HLA-E: variants seen among roughly 807,000 people sequenced by gnomAD.
HLA-E encodes major histocompatibility complex, class I, E.
Under a neutral mutation model 43.4 loss-of-function variants are expected in HLA-E, and 25 were observed. The ratio of observed to expected loss-of-function variants is 0.58; its 90% CI spans 0.42 to 0.80. The LOEUF (loss-of-function observed/expected upper bound fraction) is 0.80. Among genes scored for constraint, HLA-E ranks in the 30% least tolerant of loss-of-function variants. The probability of loss-of-function intolerance (pLI) is 0.00; values close to 1 mark genes in which losing one functional copy is unlikely to be tolerated. For synonymous variants in HLA-E, 161 were observed against 197.6 expected (o/e 0.81, Z 1.55); for missense variants, 343 against 470.0 (o/e 0.73, Z 2.50).
rs74295295 is a variant in HLA-E, at chr6:30,492,999, A to C, written c.*253A>C. ...CCTTCCCTGTTCTCTTTTCTATTAA[A>C]AATAAGAACCTGGGCAGAGTGCGGC... On this transcript the variant is annotated 3_prime_UTR_variant, in exon 8 of 8. Transcript: ENST00000376630. This position sits in a 1 kb window ranked among gnomAD's most constrained non-coding sequence, Gnocchi z 4.5. 5,108 of 210,796 alleles carry C rather than the reference A, an allele frequency of 0.024. 176 individuals carry two copies. Among genetic ancestry groups the C allele is most frequent in the African/African-American group, 0.076 (3,241 of 42,692 alleles). 13.1% of individuals were successfully genotyped at this position (210,796 alleles called of 1,614,324 possible).
Position 30,491,656 on chromosome 6 carries a change from G to T in HLA-E, c.1003+3G>T, listed in dbSNP as rs1421593447. On this transcript the variant is annotated splice_donor_region_variant and intron_variant, in intron 5 of 7. Transcript: ENST00000376630. This position sits in a 1 kb window ranked among gnomAD's most constrained non-coding sequence, Gnocchi z 5.4. ...GATATGGAGGAAGAAGAGCTCAGGT[G>T]GGGAAGGGAGAAGGGTGGGGTCTGA... 4 of 1,609,188 alleles carry T rather than the reference G, an allele frequency of 2.5e-6. No individual in the cohort carries two copies. Among genetic ancestry groups the T allele is most frequent in the Non-Finnish European group, 3.4e-6 (4 of 1,177,016 alleles).
rs200270359 is a variant in HLA-E, at chr6:30,491,519, G to T, written c.887-18G>T. The T allele has an allele frequency of 1.2e-6, 2 of 1,612,156 alleles. No individual in the cohort carries two copies. Among genetic ancestry groups the T allele is most frequent in the Non-Finnish European group, 1.7e-6 (2 of 1,179,104 alleles). ...AGGCCTGGGGGTCAGGGCCCCTTAC[G>T]TTCCCCTCTTTTCCCAGAGCCGGCT... is the stretch of plus-strand genomic sequence containing the variant. On this transcript the variant is annotated intron_variant, in intron 4 of 7. Coordinates refer to ENST00000376630, the MANE Select transcript of HLA-E (RefSeq NM_005516.6). This position sits in a 1 kb window ranked among gnomAD's most constrained non-coding sequence, Gnocchi z 5.4.
chr6:30,491,461 C>A lies in HLA-E; in HGVS notation c.886+49C>A. 1.2e-6 allele frequency: 2 copies of A among 1,611,406 alleles called. No individual in the cohort carries two copies. Among genetic ancestry groups the A allele is most frequent in the Non-Finnish European group, 1.7e-6 (2 of 1,178,236 alleles). Reference sequence around the variant, plus strand: ...TGTCTCTTCTCAGGGAAAGCGGGAGCCCTTCTGGAGCCCTTCCGCAGGGTC... The same window carrying A: ...TGTCTCTTCTCAGGGAAAGCGGGAGACCTTCTGGAGCCCTTCCGCAGGGTC... On this transcript the variant is annotated intron_variant, in intron 4 of 7. Coordinates refer to ENST00000376630, the MANE Select transcript of HLA-E (RefSeq NM_005516.6). This position sits in a 1 kb window ranked among gnomAD's most constrained non-coding sequence, Gnocchi z 5.4.
rs746887093 is a variant in HLA-E, at chr6:30,491,955, C to A, written c.1003+302C>A. Among the ~76,000 whole-genome samples the A allele has an allele frequency of 1.3e-5, 2 of 152,102 alleles. No individual in the cohort carries two copies. The highest frequency in any genetic ancestry group is 6.5e-5 in the Admixed American group (1 of 15,278). ...GGGACTACACATGCGTGCCACCACA[C>A]CTGGCTAATTTTTTTTTTTGTATTT... On this transcript the variant is annotated intron_variant, in intron 5 of 7. Transcript: ENST00000376630. This position sits in a 1 kb window ranked among gnomAD's most constrained non-coding sequence, Gnocchi z 5.4.
chr6:30,491,706 C>T lies in HLA-E; in HGVS notation c.1003+53C>T. ...AGTTTTCTTGTCCCACTGGGTGTTT[C>T]AAGCCCTAGGTAAAAGTGTGTCCTG... On this transcript the variant is annotated intron_variant, in intron 5 of 7. Coordinates refer to ENST00000376630, the MANE Select transcript of HLA-E (RefSeq NM_005516.6). The surrounding 1 kb of genome is among the most constrained non-coding windows in gnomAD (Gnocchi z 5.4). 1 of 1,440,432 alleles carries T rather than the reference C, an allele frequency of 6.9e-7. No homozygotes were observed. The highest frequency in any genetic ancestry group is 9.7e-7 in the Non-Finnish European group (1 of 1,036,014). 89.2% of individuals were successfully genotyped at this position (1,440,432 alleles called of 1,614,324 possible). A position where few individuals can be genotyped will look rare whatever the true frequency, so the allele number is the denominator to read the frequency against.
At position 30,489,699 on chromosome 6, in the gene HLA-E, C is replaced by G. The variant is rs1484273232; in HGVS notation, c.65-27C>G. On this transcript the variant is annotated intron_variant, in intron 1 of 7. Coordinates refer to ENST00000376630, the MANE Select transcript of HLA-E (RefSeq NM_005516.6). The surrounding 1 kb of genome is among the most constrained non-coding windows in gnomAD (Gnocchi z 5.6). ...GAGCCGCGCCGGGAGGAGGGTCGGG[C>G]CGATCTCAGCCCCTCCTCGCCCCCA... The G allele has an allele frequency of 1.9e-6, 3 of 1,611,596 alleles. No homozygotes were observed. Among genetic ancestry groups the G allele is most frequent in the Non-Finnish European group, 2.5e-6 (3 of 1,179,540 alleles).
chr6:30,491,466 C>A lies in HLA-E; in HGVS notation c.886+54C>A, dbSNP rs1475190030. 6.2e-7 allele frequency: 1 copy of A among 1,611,448 alleles called. No individual in the cohort carries two copies. The highest frequency in any genetic ancestry group is 8.5e-7 in the Non-Finnish European group (1 of 1,178,324). On this transcript the variant is annotated intron_variant, in intron 4 of 7. Coordinates refer to ENST00000376630, the MANE Select transcript of HLA-E (RefSeq NM_005516.6). This position sits in a 1 kb window ranked among gnomAD's most constrained non-coding sequence, Gnocchi z 5.4. Reference sequence around the variant, plus strand: ...CTTCTCAGGGAAAGCGGGAGCCCTTCTGGAGCCCTTCCGCAGGGTCAGGGC... The same window carrying A: ...CTTCTCAGGGAAAGCGGGAGCCCTTATGGAGCCCTTCCGCAGGGTCAGGGC...
chr6:30,491,316 A>C lies in HLA-E; in HGVS notation c.790A>C (p.Lys264Gln). 6.2e-7 allele frequency: 1 copy of C among 1,614,204 alleles called. No individual in the cohort carries two copies. The highest frequency in any genetic ancestry group is 8.5e-7 in the Non-Finnish European group (1 of 1,180,040). Residue 264 changes from lysine (K) to glutamine (Q), a missense_variant, in exon 4 of 8, where the codon AAG becomes CAG. This residue lies in a region of HLA-E where 190 missense variants were observed against 283.6 expected (regional missense o/e 0.67). Coordinates refer to ENST00000376630, the MANE Select transcript of HLA-E (RefSeq NM_005516.6). This position sits in a 1 kb window ranked among gnomAD's most constrained non-coding sequence, Gnocchi z 5.4. ...TRPAGDGTFQ[K>Q]WAAVVVPSGE... is the part of the protein sequence containing the mutation. ...GCCTGCAGGGGATGGAACCTTCCAG[A>C]AGTGGGCAGCTGTGGTGGTGCCTTC...
chr6:30,489,570 C>T lies in HLA-E; in HGVS notation c.39C>T (p.Ala13=). The change falls in exon 1 of 8, where the codon GCC becomes GCT. Residue 13 remains alanine (A), a synonymous_variant. Coordinates refer to ENST00000376630, the MANE Select transcript of HLA-E (RefSeq NM_005516.6). This position sits in a 1 kb window ranked among gnomAD's most constrained non-coding sequence, Gnocchi z 5.6. Reference sequence around the variant, plus strand: ...CCCTCCTTTTACTCCTCTCGGAGGCCCTGGCCCTTACCCAGACCTGGGCGG... The same window carrying T: ...CCCTCCTTTTACTCCTCTCGGAGGCTCTGGCCCTTACCCAGACCTGGGCGG... ...DGTLLLLLSE[A]LALTQTWAGS... 6.5e-7 allele frequency: 1 copy of T among 1,549,724 alleles called. No individual in the cohort carries two copies. The highest frequency in any genetic ancestry group is 1.2e-5 in the South Asian group (1 of 81,450).
rs1008543376 is a variant in HLA-E, at chr6:30,493,949, T to C, written c.*1203T>C. On this transcript the variant is annotated 3_prime_UTR_variant, in exon 8 of 8. Transcript: ENST00000376630. This position sits in a 1 kb window ranked among gnomAD's most constrained non-coding sequence, Gnocchi z 5.5. ...GCTTTAGGCACCAGCCTGCAACCCA[T>C]TCGAGCAGCCACGTAGGCTGCACCC... is the stretch of plus-strand genomic sequence containing the variant. 1 of 152,278 alleles carries C rather than the reference T, an allele frequency of 6.6e-6. No homozygotes were observed. The highest frequency in any genetic ancestry group is 2.4e-5 in the African/African-American group (1 of 41,456). 9.4% of individuals were successfully genotyped at this position (152,278 alleles called of 1,614,324 possible). A position where few individuals can be genotyped will look rare whatever the true frequency, so the allele number is the denominator to read the frequency against.
rs1353241107 is a variant in HLA-E at position 30,493,450 on chromosome 6, T to C, written c.*704T>C. 6.6e-6 allele frequency: 1 copy of C among 152,258 alleles called. No individual in the cohort carries two copies. The highest frequency in any genetic ancestry group is 1.5e-5 in the Non-Finnish European group (1 of 68,052). The allele number at this position is 152,258 out of a possible 1,614,324, so 9.4% of individuals were successfully genotyped here. A position where few individuals can be genotyped will look rare whatever the true frequency, so the allele number is the denominator to read the frequency against. ...GCAAATTTAGCCTATTCCTATTCTC[T>C]AGCCTATTCCTTACCACCTGTAATC... is the stretch of plus-strand genomic sequence containing the variant. On this transcript the variant is annotated 3_prime_UTR_variant, in exon 8 of 8. Coordinates refer to ENST00000376630, the MANE Select transcript of HLA-E (RefSeq NM_005516.6). This position sits in a 1 kb window ranked among gnomAD's most constrained non-coding sequence, Gnocchi z 5.5.
chr6:30,490,445 C>T lies in HLA-E; in HGVS notation c.540C>T (p.Tyr180=), dbSNP rs539175168. Residue 180 remains tyrosine, a synonymous_variant, in exon 3 of 8, where the codon TAC becomes TAT. Coordinates refer to ENST00000376630, the MANE Select transcript of HLA-E (RefSeq NM_005516.6). The surrounding 1 kb of genome is among the most constrained non-coding windows in gnomAD (Gnocchi z 6.6). ...DASEAEHQRA[Y]LEDTCVEWLH... Reference sequence around the variant, plus strand: ...CTGAGGCGGAGCACCAGAGAGCCTACCTGGAAGACACATGCGTGGAGTGGC... The same window carrying T: ...CTGAGGCGGAGCACCAGAGAGCCTATCTGGAAGACACATGCGTGGAGTGGC... 4.3e-6 allele frequency: 7 copies of T among 1,613,042 alleles called. No homozygotes were observed. The East Asian group carries it at 6.7e-5, about 15-fold the overall frequency.
rs1372931195 is a variant in HLA-E, at chr6:30,489,662, G to A, written c.65-64G>A. 1 of 1,608,238 alleles carries A rather than the reference G, an allele frequency of 6.2e-7. No homozygotes were observed. The highest frequency in any genetic ancestry group is 1.7e-5 in the Admixed American group (1 of 59,772). On this transcript the variant is annotated intron_variant, in intron 1 of 7. Transcript: ENST00000376630. This position sits in a 1 kb window ranked among gnomAD's most constrained non-coding sequence, Gnocchi z 5.6. ...AGAGAGGGGCCGGCCCGGCGGGGGC[G>A]AAGGACTCGGGGAGCCGCGCCGGGA...
In HLA-E at chr6:30,492,450, G is replaced by A. The variant is rs770513732; in HGVS notation, c.1036+14G>A. On this transcript the variant is annotated intron_variant, in intron 6 of 7. Transcript: ENST00000376630. This position sits in a 1 kb window ranked among gnomAD's most constrained non-coding sequence, Gnocchi z 4.5. ...CTAAGGCTGAGTGTAAGTGCGGGGC[G>A]GGAGCGTGGAGGAGCTCGCCCACCC... 25 of 1,614,002 alleles carry A rather than the reference G, an allele frequency of 1.5e-5. No individual in the cohort carries two copies. The highest frequency in any genetic ancestry group is 8.8e-5 in the South Asian group (8 of 91,086).
At position 30,490,765 on chromosome 6, in the gene HLA-E, T is replaced by A. The variant is rs1184074475; in HGVS notation, c.610+250T>A. 6.6e-6 allele frequency among the ~76,000 whole-genome samples: 1 copy of A among 152,208 alleles called. No homozygotes were observed. Among genetic ancestry groups the A allele is most frequent in the East Asian group, 1.9e-4 (1 of 5,198 alleles). On this transcript the variant is annotated intron_variant, in intron 3 of 7. Transcript: ENST00000376630. This position sits in a 1 kb window ranked among gnomAD's most constrained non-coding sequence, Gnocchi z 6.6. The stretch of plus-strand genomic sequence containing the variant: ...CTCGCTGGAGATTCCATCCTTCAGA[T>A]GAACTGATGAGCAGTTCTCTTTGAC...
Position 30,492,721 on chromosome 6 carries a change from ATTTGTTCATGACTAT to A in HLA-E, c.*3-24_*3-10del. 1 of 850,684 alleles carries A rather than the reference ATTTGTTCATGACTAT, an allele frequency of 1.2e-6. No homozygotes were observed. The highest frequency in any genetic ancestry group is 1.9e-6 in the Non-Finnish European group (1 of 519,034). 52.7% of individuals were successfully genotyped at this position (850,684 alleles called of 1,614,324 possible). A position where few individuals can be genotyped will look rare whatever the true frequency, so the allele number is the denominator to read the frequency against. On this transcript the variant is annotated splice_polypyrimidine_tract_variant and intron_variant, in intron 7 of 7. Transcript: ENST00000376630. This position sits in a 1 kb window ranked among gnomAD's most constrained non-coding sequence, Gnocchi z 4.5. ...TCATCACTTACCGTGACTGACCTGA[ATTTGTTCATGACTAT>A]TTTCTTCTGTAGCCTGAGACAGCTG...
Position 30,490,166 on chromosome 6 carries a change from G to C in HLA-E, c.335-74G>C. ...CTTTACCCGGTTCTTTTTCAGTTTA[G>C]GCCAAAATGCCCACAGGGTGGTGGC... On this transcript the variant is annotated intron_variant, in intron 2 of 7. Transcript: ENST00000376630. This position sits in a 1 kb window ranked among gnomAD's most constrained non-coding sequence, Gnocchi z 6.6. The C allele has an allele frequency of 6.4e-7, 1 of 1,563,138 alleles. No individual in the cohort carries two copies. The highest frequency in any genetic ancestry group is 1.4e-5 in the African/African-American group (1 of 73,798).
In HLA-E at chr6:30,489,639, A is replaced by G. The variant is rs200086098; in HGVS notation, c.64+44A>G. On this transcript the variant is annotated intron_variant, in intron 1 of 7. Transcript: ENST00000376630. This position sits in a 1 kb window ranked among gnomAD's most constrained non-coding sequence, Gnocchi z 5.6. Reference sequence around the variant, plus strand: ...TGGAAACGGCCTCTACCGGGAGTAGAGAGGGGCCGGCCCGGCGGGGGCGAA... The same window carrying G: ...TGGAAACGGCCTCTACCGGGAGTAGGGAGGGGCCGGCCCGGCGGGGGCGAA... The G allele has an allele frequency of 3.8e-6, 6 of 1,599,508 alleles. No individual in the cohort carries two copies. The highest frequency in any genetic ancestry group is 1.3e-5 in the African/African-American group (1 of 74,770).
In HLA-E at chr6:30,490,577, T is replaced by G; in HGVS notation, c.610+62T>G. 6.7e-7 allele frequency: 1 copy of G among 1,491,294 alleles called. No individual in the cohort carries two copies. Among genetic ancestry groups the G allele is most frequent in the Non-Finnish European group, 9.2e-7 (1 of 1,092,572 alleles). 92.4% of individuals were successfully genotyped at this position (1,491,294 alleles called of 1,614,324 possible). ...CTTGGGCTAGGACTGTGCCCACAGCTGACAGACCTCAAACAGTAGAAGAAA... is the reference window on the plus strand; with the variant it reads ...CTTGGGCTAGGACTGTGCCCACAGCGGACAGACCTCAAACAGTAGAAGAAA... On this transcript the variant is annotated intron_variant, in intron 3 of 7. Coordinates refer to ENST00000376630, the MANE Select transcript of HLA-E (RefSeq NM_005516.6). The surrounding 1 kb of genome is among the most constrained non-coding windows in gnomAD (Gnocchi z 6.6).
Sources: gnomAD v4.1 joint callset for allele counts (sites outside exome capture counted in the v4.1 genomes callset) on GRCh38, gnomAD v4.1.1 for gene constraint, gnomAD v4.1.1 regional missense constraint, Gnocchi (gnomAD v3.1) non-coding constraint, MANE v1.5 for transcripts, NCBI Gene and HGNC (gene_info 2026-07-23, HGNC 2026-07-21) for gene names.